Variants in PORCN observed in about 807,000 individuals in gnomAD.
The protein encoded by PORCN is porcupine O-acyltransferase.
PORCN carries 1 observed loss-of-function variant against 43.0 expected under a neutral mutation model. That is an observed-to-expected ratio of 0.02 (90% CI 0.01 to 0.11). The LOEUF (loss-of-function observed/expected upper bound fraction) is 0.11, where lower values mean the gene tolerates loss of function less well. Among genes scored for constraint, PORCN ranks in the 10% least tolerant of loss-of-function variants. The probability of loss-of-function intolerance (pLI) is 1.00; values close to 1 mark genes in which losing one functional copy is unlikely to be tolerated. For synonymous variants in PORCN, 148 were observed against 166.4 expected (o/e 0.89, Z 0.85); for missense variants, 240 against 392.1 (o/e 0.61, Z 3.28).
At chrX:48,511,860 C>T (rs782602271) in intron 3 of PORCN, 32 bp from the exon 4 acceptor site, 1 of 1,198,299 alleles carries the variant, frequency 8.3e-7, no homozygotes, top group East Asian at 3.0e-5. Context: ...CCATGAGTGT[C>T]ATGGGACCAA....
chrX:48,520,622 AAAAT>A lies in PORCN; in HGVS notation c.*147_*150del. 2 of 495,824 alleles carry A rather than the reference AAAAT, an allele frequency of 4.0e-6. No individual in the cohort carries two copies. Among genetic ancestry groups the A allele is most frequent in the Non-Finnish European group, 7.2e-6 (2 of 276,610 alleles). The allele number at this position is 495,824 out of a possible 1,213,427, so 40.9% of individuals were successfully genotyped here. ...AACACACACACACACACACACACAC[AAAAT>A]CACACCATTTTCATGCCTGTCAATC... is the stretch of plus-strand genomic sequence containing the variant. On this transcript the variant is annotated 3_prime_UTR_variant, in exon 15 of 15. Coordinates refer to ENST00000326194, the MANE Select transcript of PORCN (RefSeq NM_203475.3).
Position 48,514,227 on chromosome X carries a change from C to T in PORCN, c.720-13C>T. ...GAACGTGATGCCTCTCACCCCTGCC[C>T]CTTTCTCCCCAGGTGGCTGCGAGCC... On this transcript the variant is annotated splice_polypyrimidine_tract_variant and intron_variant, in intron 8 of 14. Transcript: ENST00000326194. 1 of 1,212,060 alleles carries T rather than the reference C, an allele frequency of 8.3e-7. No homozygotes were observed. Among genetic ancestry groups the T allele is most frequent in the Non-Finnish European group, 1.1e-6 (1 of 895,559 alleles).
chrX:48,513,958 C>A (rs1556974558), intron 7 of PORCN, among the ~76,000 whole-genome samples, 169 bp from the exon 8 acceptor site: 1 of 112,917 alleles, frequency 8.9e-6, no homozygotes, highest in Non-Finnish European at 1.9e-5. Flanking sequence ...ATTTGAGCCA[C>A]ATAAGACTAA....
chrX:48,515,171 A>G (rs1189193695), intron 10 of PORCN, among the ~76,000 whole-genome samples: 3 of 112,433 alleles, frequency 2.7e-5, no homozygotes, highest in African/African-American at 9.7e-5. Flanking sequence ...CTCATGGGCC[A>G]TGGAGAGGAC....
In PORCN at chrX:48,512,938, A is replaced by C. The variant is rs1489664541; in HGVS notation, c.704+86A>C. Reference sequence around the variant, plus strand: ...CATGACCAATGGGTTCTGTGTGTCCAAGTGTGTCTGACCGTCAACTCCATG... The same window carrying C: ...CATGACCAATGGGTTCTGTGTGTCCCAGTGTGTCTGACCGTCAACTCCATG... On this transcript the variant is annotated intron_variant, in intron 7 of 14. Coordinates refer to ENST00000326194, the MANE Select transcript of PORCN (RefSeq NM_203475.3). 3 of 1,104,812 alleles carry C rather than the reference A, an allele frequency of 2.7e-6. No homozygotes were observed. In the African/African-American group the frequency reaches 5.4e-5, roughly 20 times the overall value. The allele number at this position is 1,104,812 out of a possible 1,213,427, so 91.0% of individuals were successfully genotyped here.
chrX:48,509,684 G>A (rs1556973441), intron 1 of PORCN, 100 bp from the exon 2 acceptor site: 1 of 1,157,169 alleles, frequency 8.6e-7, no homozygotes, highest in Middle Eastern at 2.3e-4. Context: ...CCTCTACATG[G>A]GCTGGGCAGC....
chrX:48,519,717 C>T (rs1224999866), intron 14 of PORCN, among the ~76,000 whole-genome samples: 2 of 112,433 alleles, frequency 1.8e-5, no homozygotes, highest in Non-Finnish European at 3.8e-5. Flanking sequence ...GGAAGATGGC[C>T]GGGCGGGGTG....
Position 48,520,790 on chromosome X carries a change from A to T in PORCN, c.*314A>T. 1 of 331,828 alleles carries T rather than the reference A, an allele frequency of 3.0e-6. No individual in the cohort carries two copies. Among genetic ancestry groups the T allele is most frequent in the Non-Finnish European group, 5.4e-6 (1 of 184,293 alleles). 27.3% of individuals were successfully genotyped at this position (331,828 alleles called of 1,213,427 possible). On this transcript the variant is annotated 3_prime_UTR_variant, in exon 15 of 15. Transcript: ENST00000326194. ...TATATACAATTTGTTATTGTCAAAT[A>T]AAAGTAGGAAATATTCAATAGGCTT...
chrX:48,518,790 T>A (rs1396745128), intron 14 of PORCN, among the ~76,000 whole-genome samples: 1 of 110,996 alleles, frequency 9.0e-6, no homozygotes, highest in Non-Finnish European at 1.9e-5. Flanking sequence ...TTAATTCAGG[T>A]TAAGTGTGCA....
chrX:48,515,652 A>G, intron 10 of PORCN, 65 bp from the exon 11 acceptor site: 1 of 933,293 alleles, frequency 1.1e-6, no homozygotes, highest in East Asian at 3.1e-5. Context: ...CATCCTGCTG[A>G]TGGCCCTCCA....
At chrX:48,515,053 G>C (rs1556974961) in intron 10 of PORCN, among the ~76,000 whole-genome samples, 2 of 112,108 alleles carry the variant, frequency 1.8e-5, no homozygotes, top group Non-Finnish European at 1.9e-5. Context: ...AGGTCCTGAG[G>C]CGGGAACTTG....
intron 10 of PORCN, among the ~76,000 whole-genome samples, chrX:48,515,175 A>G (rs868989303): frequency 6.5e-4 from 73 of 112,315 alleles, no homozygotes; most frequent in African/African-American, 2.3e-3. Context: ...TGGGCCATGG[A>G]GAGGACTTTG....
chrX:48,519,419 G>T (rs1050703081), intron 14 of PORCN, among the ~76,000 whole-genome samples: 1 of 112,385 alleles, frequency 8.9e-6, no homozygotes, highest in East Asian at 2.8e-4. Flanking sequence ...AGGATATAGT[G>T]TCCTCATTCA....
At chrX:48,515,611 C>T (rs190261292) in intron 10 of PORCN, 106 bp from the exon 11 acceptor site, 171 of 648,177 alleles carry the variant, frequency 2.6e-4, no homozygotes, top group Non-Finnish European at 3.1e-4. Context: ...AGGACTTTAT[C>T]CTGGGGGCTC....
Position 48,513,701 on chromosome X carries a change from TAG to T in PORCN, c.705-425_705-424del, listed in dbSNP as rs1491400636. ...TTTGACCATGTCTGATTACAACTAG[TAG>T]GGGGGGTGTGTGTGTGCACAGCAGG... On this transcript the variant is annotated intron_variant, in intron 7 of 14. Transcript: ENST00000326194. Among the ~76,000 whole-genome samples, 3 of 112,101 alleles carry T rather than the reference TAG, an allele frequency of 2.7e-5. No individual in the cohort carries two copies. In the East Asian group the frequency reaches 8.4e-4, roughly 31 times the overall value.
At chrX:48,516,835 A>T (rs2061721221) in intron 13 of PORCN, among the ~76,000 whole-genome samples, 2 of 110,761 alleles carry the variant, frequency 1.8e-5, no homozygotes, top group South Asian at 7.5e-4. Flanking sequence ...TGTGTTTTTC[A>T]TTCTGTTTGC....
In PORCN at chrX:48,509,789, T is replaced by C. The variant is rs1556973474; in HGVS notation, c.-32T>C. 1 of 1,208,422 alleles carries C rather than the reference T, an allele frequency of 8.3e-7. No individual in the cohort carries two copies. Among genetic ancestry groups the C allele is most frequent in the Non-Finnish European group, 1.1e-6 (1 of 893,567 alleles). On this transcript the variant is annotated 5_prime_UTR_variant, in exon 2 of 15. Coordinates refer to ENST00000326194, the MANE Select transcript of PORCN (RefSeq NM_203475.3). ...CTGTGTCCCTGCTTTGACAGATCTA[T>C]CCATCTGGCCATCCATCCGTGGGGG...
At chrX:48,517,613 T>C (rs892966114) in intron 14 of PORCN, among the ~76,000 whole-genome samples, 3 of 111,054 alleles carry the variant, frequency 2.7e-5, no homozygotes, top group Non-Finnish European at 5.7e-5. Flanking sequence ...AGGTCAGGAG[T>C]TCAAGACCAG....
In PORCN at chrX:48,510,024, G is replaced by A. The variant is rs909957411; in HGVS notation, c.136+68G>A. 2.1e-5 allele frequency: 19 copies of A among 885,242 alleles called. No individual in the cohort carries two copies. In the Admixed American group the frequency reaches 3.2e-4, roughly 15 times the overall value. The allele number at this position is 885,242 out of a possible 1,213,427, so 73.0% of individuals were successfully genotyped here. On this transcript the variant is annotated intron_variant, in intron 2 of 14. Transcript: ENST00000326194. ...CAGACCTCCCACATTCATCCATATC[G>A]AGCCACACCTTACCCTGTCACATCC...
Sources: allele counts gnomAD v4.1 joint callset (sites outside exome capture counted in the v4.1 genomes callset), GRCh38; gene constraint gnomAD v4.1.1; transcripts MANE v1.5; gene names NCBI Gene and HGNC (gene_info 2026-07-23, HGNC 2026-07-21).